The following CCDC62 variants were observed in gnomAD, a reference collection of about 807,000 sequenced individuals.
CCDC62 encodes coiled-coil domain containing 62.
CCDC62 carries 72 observed loss-of-function variants against 80.8 expected under a neutral mutation model. The observed-to-expected ratio is 0.89, with a 90% CI of 0.74 to 1.08. The LOEUF is 1.08. Among genes scored for constraint, CCDC62 ranks in the 50% least tolerant of loss-of-function variants. The pLI, the probability that CCDC62 is intolerant of heterozygous loss-of-function variation, is 0.00. For synonymous variants in CCDC62, 286 were observed against 296.5 expected, an observed-to-expected ratio of 0.96 and a Z score of 0.36; for missense variants, 704 against 809.4, an observed-to-expected ratio of 0.87 and a Z score of 1.58.
chr12:122,774,750 G>T, intron 1 of CCDC62, 44 bp downstream of exon 1: 1 of 1,229,186 alleles, frequency 8.1e-7, no homozygotes, highest in Non-Finnish European at 1.0e-6. Flanking sequence ...CGGGAACGGT[G>T]CACATTGGTC....
intron 3 of CCDC62, among the ~76,000 whole-genome samples, chr12:122,781,729 T>C (rs1879883015): frequency 6.6e-6 from 1 of 151,768 alleles, no homozygotes; most frequent in African/African-American, 2.4e-5. Context: ...AATGTTTCAT[T>C]AAAAATGCAT....
chr12:122,801,098 C>T, intron 8 of CCDC62, 26 bp from the exon 9 acceptor site: 1 of 1,582,702 alleles, frequency 6.3e-7, no homozygotes, highest in African/African-American at 1.4e-5. Flanking sequence ...CTTATAACCT[C>T]CATTTTTTTT....
chr12:122,807,694 C>A (rs1270729917), intron 10 of CCDC62, among the ~76,000 whole-genome samples: 3 of 151,988 alleles, frequency 2.0e-5, no homozygotes, highest in Admixed American at 1.3e-4. Context: ...ACACATTAGT[C>A]TGTATGTGAC....
chr12:122,788,228 A>T (rs1593790161), intron 4 of CCDC62, among the ~76,000 whole-genome samples: 1 of 152,252 alleles, frequency 6.6e-6, no homozygotes. Context: ...CTTTTTTGGT[A>T]ACTAAAACTG....
At chr12:122,825,864 A>T (rs1169668765) in intron 12 of CCDC62, among the ~76,000 whole-genome samples, 2 of 150,616 alleles carry the variant, frequency 1.3e-5, no homozygotes, top group African/African-American at 4.9e-5. Context: ...ATGGAGGCGC[A>T]TGCCTGTAAT....
chr12:122,808,886 C>T (rs1241887099), intron 10 of CCDC62, among the ~76,000 whole-genome samples: 2 of 152,176 alleles, frequency 1.3e-5, no homozygotes, highest in African/African-American at 4.8e-5. Flanking sequence ...GCTGATGCTC[C>T]GGTCCCAGCT....
chr12:122,794,956 C>T (rs1440640917), intron 6 of CCDC62, among the ~76,000 whole-genome samples: 1 of 152,182 alleles, frequency 6.6e-6, no homozygotes, highest in Non-Finnish European at 1.5e-5. Flanking sequence ...TAGGCATGAG[C>T]CATCGTGCTT....
rs762764029 is a variant in CCDC62 at position 122,777,466 on chromosome 12, A to T, written c.37-25A>T. The T allele has an allele frequency of 3.8e-6, 6 of 1,578,510 alleles. No individual in the cohort carries two copies. In the Middle Eastern group the frequency reaches 5.1e-4, roughly 134 times the overall value. On this transcript the variant is annotated intron_variant, in intron 1 of 12. Transcript: ENST00000253079. ...TTGTTATTGATTTCATTCTATTTTG[A>T]TGTGAAACCGCTTTCTATGTTTAGA...
chr12:122,824,895 G>A (rs2032553640), intron 12 of CCDC62, among the ~76,000 whole-genome samples: 1 of 151,938 alleles, frequency 6.6e-6, no homozygotes, highest in African/African-American at 2.4e-5. Flanking sequence ...GACCAGCCTG[G>A]CCAACATGGT....
intron 10 of CCDC62, among the ~76,000 whole-genome samples, chr12:122,812,831 A>AAAGAAAGAAAGAAAGAAAGAAAGAAAG (rs1566086864): frequency 7.2e-6 from 1 of 138,930 alleles, no homozygotes; most frequent in Non-Finnish European, 1.6e-5. Flanking sequence ...AAGAAAGAAA[A>AAAGAAAGAAAGAAAGAAAGAAAGAAAG]GGAATGAATT....
In CCDC62 at chr12:122,826,787, G is replaced by T. The variant is rs1460733649; in HGVS notation, c.*406G>T. ...ATAGAAAGTGCTGTTTTAACTATCT[G>T]ATTTTTAAAAAATCTGTGCATACAT... On this transcript the variant is annotated 3_prime_UTR_variant, in exon 13 of 13. Transcript: ENST00000253079. 1.4e-5 allele frequency: 3 copies of T among 220,730 alleles called. No individual in the cohort carries two copies. The highest frequency in any genetic ancestry group is 1.6e-4 in the South Asian group (1 of 6,104). 13.7% of individuals were successfully genotyped at this position (220,730 alleles called of 1,614,324 possible). A position where few individuals can be genotyped will look rare whatever the true frequency, so the allele number is the denominator to read the frequency against.
chr12:122,823,364 A>G lies in CCDC62; in HGVS notation c.2002-2A>G, dbSNP rs1432262426. The G allele has an allele frequency of 1.2e-6, 2 of 1,611,558 alleles. No homozygotes were observed. Among genetic ancestry groups the G allele is most frequent in the East Asian group, 2.2e-5 (1 of 44,872 alleles). On this transcript the variant is annotated splice_acceptor_variant, in intron 11 of 12. Transcript: ENST00000253079. LOFTEE classifies it high-confidence loss of function. Reference sequence around the variant, plus strand: ...AATACTAATCTGGGAGTTGTTTTCTAGAAGTCAGAGGTCCCAGAAGAGTCA... The same window carrying G: ...AATACTAATCTGGGAGTTGTTTTCTGGAAGTCAGAGGTCCCAGAAGAGTCA...
At chr12:122,787,789 A>G (rs1157950465) in intron 4 of CCDC62, among the ~76,000 whole-genome samples, 2 of 151,606 alleles carry the variant, frequency 1.3e-5, no homozygotes, top group Non-Finnish European at 2.9e-5. Context: ...AGTCTTAGAG[A>G]TTTTATTTGA....
At chr12:122,797,855 G>A (rs1051765193) in intron 7 of CCDC62, among the ~76,000 whole-genome samples, 1 of 152,106 alleles carries the variant, frequency 6.6e-6, no homozygotes, top group African/African-American at 2.4e-5. Flanking sequence ...ATCATGTTTA[G>A]TATAGCAAAT....
chr12:122,817,437 G>A (rs1367415759), intron 11 of CCDC62, among the ~76,000 whole-genome samples: 1 of 151,618 alleles, frequency 6.6e-6, no homozygotes, highest in East Asian at 1.9e-4. Context: ...CGATTCTCTT[G>A]CCTCAGCCTC....
At chr12:122,812,114 T>C (rs888541402) in intron 10 of CCDC62, among the ~76,000 whole-genome samples, 3 of 152,132 alleles carry the variant, frequency 2.0e-5, no homozygotes, top group South Asian at 2.1e-4. Context: ...TAGTAAGTTC[T>C]GTTTAAGTCA....
rs371482324 is a variant in CCDC62, at chr12:122,813,324, C to T, written c.1906C>T (p.Arg636Cys). Residue 636 changes from arginine to cysteine, a missense_variant, in exon 11 of 13, where the codon CGT becomes TGT. Arg to Cys is a radical substitution (Grantham distance 180, BLOSUM62 -3). Transcript: ENST00000253079. ...TTTCTCGCCCACGAGCAAGCTCCAG[C>T]GTTTGCTGGCGGAATCTCGTCAGAT... is the stretch of plus-strand genomic sequence containing the variant. ...DDFSPTSKLQ[R>C]LLAESRQMVT... is the part of the protein sequence containing the mutation. The T allele has an allele frequency of 1.4e-5, 23 of 1,613,792 alleles. No individual in the cohort carries two copies. Among genetic ancestry groups the T allele is most frequent in the Non-Finnish European group, 1.9e-5 (23 of 1,179,916 alleles).
At chr12:122,802,482 T>C (rs7305256) in intron 9 of CCDC62, among the ~76,000 whole-genome samples, 128,302 of 148,924 alleles carry the variant, frequency 0.86, 56,063 homozygotes, top group East Asian at 0.99. Context: ...GGCGCAGTCT[T>C]GGCTCACTGA....
At chr12:122,788,555 G>A (rs932609821) in intron 4 of CCDC62, among the ~76,000 whole-genome samples, 3 of 152,176 alleles carry the variant, frequency 2.0e-5, no homozygotes, top group African/African-American at 7.2e-5. Context: ...GGCAAGGAAC[G>A]CAGCCTTTCT....
Sources: allele counts gnomAD v4.1 joint callset (sites outside exome capture counted in the v4.1 genomes callset), GRCh38; gene constraint gnomAD v4.1.1; transcripts MANE v1.5; gene names NCBI Gene and HGNC (gene_info 2026-07-23, HGNC 2026-07-21).